INSYN2A: variants seen among roughly 807,000 people sequenced by gnomAD.
INSYN2A encodes family with sequence similarity 196 member A.
A neutral mutation model predicts 39.4 loss-of-function variants in INSYN2A; 17 were observed. The ratio of observed to expected loss-of-function variants is 0.43; its 90% confidence interval spans 0.30 to 0.65. INSYN2A has a LOEUF of 0.65. INSYN2A is among the 30% of genes least tolerant of loss of function. The pLI, the probability that INSYN2A is intolerant of heterozygous loss-of-function variation, is 0.14. For synonymous variants in INSYN2A, 255 were observed against 265.7 expected (o/e 0.96, Z 0.39); for missense variants, 595 against 631.2 (o/e 0.94, Z 0.61).
At chr10:127,177,664 C>G (rs1048189687) in intron 2 of INSYN2A, among the ~76,000 whole-genome samples, 1 of 152,338 alleles carries the variant, frequency 6.6e-6, no homozygotes, top group Middle Eastern at 3.4e-3. Context: ...AGCTGCCGAC[C>G]TTGTGCCCTG....
chr10:127,186,931 A>G (rs2056327230), intron 2 of INSYN2A, among the ~76,000 whole-genome samples: 1 of 152,190 alleles, frequency 6.6e-6, no homozygotes, highest in African/African-American at 2.4e-5. Context: ...GCTGTGGGAC[A>G]TCTGTGGGCT....
intron 2 of INSYN2A, among the ~76,000 whole-genome samples, chr10:127,179,320 T>C (rs1449164974): frequency 6.6e-6 from 1 of 152,232 alleles, no homozygotes; most frequent in East Asian, 1.9e-4. Flanking sequence ...TTCTAAGCTC[T>C]TCTCTGTTTT....
chr10:127,167,139 TATATAA>T (rs999868979), intron 4 of INSYN2A, among the ~76,000 whole-genome samples: 4 of 152,162 alleles, frequency 2.6e-5, no homozygotes, highest in East Asian at 1.9e-4. Context: ...TTTACAAAGT[TATATAA>T]ATATAAGCTA....
chr10:127,142,291 T>C (rs891850674), intron 5 of INSYN2A, among the ~76,000 whole-genome samples: 2 of 152,214 alleles, frequency 1.3e-5, no homozygotes, highest in Non-Finnish European at 2.9e-5. Context: ...TTGTGGTTTC[T>C]GAGGACTCTG....
intron 5 of INSYN2A, among the ~76,000 whole-genome samples, chr10:127,153,049 GT>G (rs1386569761): frequency 6.6e-6 from 1 of 152,072 alleles, no homozygotes; most frequent in Non-Finnish European, 1.5e-5. Flanking sequence ...TTTTTAGAGG[GT>G]TTTTTGGTTT....
At chr10:127,191,468 C>T (rs1420415027) in intron 2 of INSYN2A, among the ~76,000 whole-genome samples, 1 of 152,158 alleles carries the variant, frequency 6.6e-6, no homozygotes, top group African/African-American at 2.4e-5. Context: ...ATCTTTGCTG[C>T]ATTTTTTAAG....
chr10:127,178,845 G>T (rs991752721), intron 2 of INSYN2A, among the ~76,000 whole-genome samples: 1 of 152,176 alleles, frequency 6.6e-6, no homozygotes, highest in Non-Finnish European at 1.5e-5. Flanking sequence ...GGCTTTTAGA[G>T]ATTCTTATCC....
intron 2 of INSYN2A, among the ~76,000 whole-genome samples, chr10:127,184,554 T>C (rs1442079124): frequency 6.8e-6 from 1 of 146,964 alleles, no homozygotes; most frequent in Non-Finnish European, 1.5e-5. Flanking sequence ...TCTGTGCATA[T>C]ACCTGGATAC....
chr10:127,176,217 C>T lies in INSYN2A; in HGVS notation c.179G>A (p.Arg60Lys), dbSNP rs768598681. 9.3e-6 allele frequency: 15 copies of T among 1,614,060 alleles called. No homozygotes were observed. Among genetic ancestry groups the T allele is most frequent in the South Asian group, 8.8e-5 (8 of 91,084 alleles). ...KDICEAQNEQ[R>K]DTQLSSGQLG... ...CTGGCCCGAGGACAGCTGTGTGTCC[C>T]TCTGCTCATTCTGTGCCTCGCAGAT... The change falls in exon 4 of 6, where the codon AGG (arginine) becomes AAG (lysine). Residue 60 changes from arginine (R) to lysine (K), a missense_variant. By Grantham distance (26) the Arg-to-Lys change is conservative. Coordinates refer to ENST00000522781, the MANE Select transcript of INSYN2A (RefSeq NM_001039762.3). This position sits in a 1 kb window ranked among gnomAD's most constrained non-coding sequence, Gnocchi z 4.4.
rs1044294599 is a variant in INSYN2A at position 127,136,091 on chromosome 10, G to A, written c.*1746C>T. The A allele has an allele frequency of 3.3e-5, 5 of 152,366 alleles. No individual in the cohort carries two copies. Among genetic ancestry groups the A allele is most frequent in the African/African-American group, 7.2e-5 (3 of 41,382 alleles). 9.4% of individuals were successfully genotyped at this position (152,366 alleles called of 1,614,324 possible). A position where few individuals can be genotyped will look rare whatever the true frequency, so the allele number is the denominator to read the frequency against. ...GATTCGAACTTCATATAGTGTTTCC[G>A]CAGAGGATGTGTGTGTGCACATGTG... On this transcript the variant is annotated 3_prime_UTR_variant, in exon 6 of 6. Transcript: ENST00000522781.
rs1457265661 is a variant in INSYN2A, at chr10:127,136,670, A to T, written c.*1167T>A. The T allele has an allele frequency of 3.3e-5, 5 of 152,684 alleles. No individual in the cohort carries two copies. The highest frequency in any genetic ancestry group is 6.5e-5 in the Admixed American group (1 of 15,288). 9.5% of individuals were successfully genotyped at this position (152,684 alleles called of 1,614,324 possible). On this transcript the variant is annotated 3_prime_UTR_variant, in exon 6 of 6. Coordinates refer to ENST00000522781, the MANE Select transcript of INSYN2A (RefSeq NM_001039762.3). The stretch of plus-strand genomic sequence containing the variant: ...AATGTGTAATCAAGAGAGAACTCTA[A>T]GTGTTACTGTTGATTTAAAAAATAC...
At chr10:127,178,409 C>T (rs866912664) in intron 2 of INSYN2A, among the ~76,000 whole-genome samples, 2 of 152,148 alleles carry the variant, frequency 1.3e-5, no homozygotes, top group Non-Finnish European at 2.9e-5. Flanking sequence ...CTGTGCGGTG[C>T]AGGGTGGTCA....
rs750333841 is a variant in INSYN2A at position 127,137,812 on chromosome 10, C to T, written c.*25G>A. The stretch of plus-strand genomic sequence containing the variant: ...AACTCCAGTGGGTTCTAAAGACGGC[C>T]TCGAGACTCCAGACACCGTGAGTGT... On this transcript the variant is annotated 3_prime_UTR_variant, in exon 6 of 6. Transcript: ENST00000522781. 9 of 1,597,060 alleles carry T rather than the reference C, an allele frequency of 5.6e-6. No individual in the cohort carries two copies. The African/African-American group carries it at 9.5e-5, about 17-fold the overall frequency.
intron 2 of INSYN2A, among the ~76,000 whole-genome samples, chr10:127,189,289 T>C (rs1006336138): frequency 6.6e-6 from 1 of 152,230 alleles, no homozygotes; most frequent in African/African-American, 2.4e-5. Context: ...TGTGGAATTA[T>C]TTTAAATAAT....
chr10:127,141,423 C>T (rs2051230555), intron 5 of INSYN2A, among the ~76,000 whole-genome samples: 1 of 152,118 alleles, frequency 6.6e-6, no homozygotes, highest in Non-Finnish European at 1.5e-5. Flanking sequence ...CAAATTCTGG[C>T]CAGGCACGGT....
Position 127,165,508 on chromosome 10 carries a change from G to A in INSYN2A, c.1184+9704C>T, listed in dbSNP as rs149037329. 2.1e-3 allele frequency among the ~76,000 whole-genome samples: 316 copies of A among 152,210 alleles called. 2 individuals carry two copies. The highest frequency in any genetic ancestry group is 7.3e-3 in the African/African-American group (302 of 41,530). On this transcript the variant is annotated intron_variant, in intron 4 of 5. Transcript: ENST00000522781. ...CTGCCTTTTTGGTTGAAGGATGCTCGTTGTTAGATCATTTTTTCCCCCAGG... is the reference window on the plus strand; with the variant it reads ...CTGCCTTTTTGGTTGAAGGATGCTCATTGTTAGATCATTTTTTCCCCCAGG...
chr10:127,156,556 C>CTTTTTTTTT (rs2053082435), intron 4 of INSYN2A, among the ~76,000 whole-genome samples: 1 of 94,808 alleles, frequency 1.1e-5, no homozygotes, highest in Non-Finnish European at 2.2e-5. Context: ...TCTTCTTCTT[C>CTTTTTTTTT]TTCTTCTTTT....
chr10:127,152,907 G>A, intron 5 of INSYN2A, among the ~76,000 whole-genome samples: 1 of 152,168 alleles, frequency 6.6e-6, no homozygotes, highest in East Asian at 1.9e-4. Context: ...GTCTGGATCG[G>A]AGGCATGGAC....
chr10:127,150,923 G>T (rs544412677), intron 5 of INSYN2A, among the ~76,000 whole-genome samples: 1 of 152,170 alleles, frequency 6.6e-6, no homozygotes, highest in African/African-American at 2.4e-5. Flanking sequence ...CAAAGAAAAC[G>T]TCTGGGCCTC....
Sources: gnomAD v4.1 joint callset for allele counts (sites outside exome capture counted in the v4.1 genomes callset) on GRCh38, gnomAD v4.1.1 for gene constraint, Gnocchi (gnomAD v3.1) non-coding constraint, MANE v1.5 for transcripts, NCBI Gene and HGNC (gene_info 2026-07-23, HGNC 2026-07-21) for gene names.